The following CCSER2 variants were observed in gnomAD, a reference collection of about 807,000 sequenced individuals.
CCSER2 encodes coiled-coil serine rich protein 2.
In CCSER2, 46 loss-of-function variants were observed where a neutral mutation model predicts 92.3. That is an observed-to-expected ratio of 0.50 (90% confidence interval 0.39 to 0.64). CCSER2 has a LOEUF of 0.64. Among genes scored for constraint, CCSER2 ranks in the 30% least tolerant of loss-of-function variants. The pLI, the probability that CCSER2 is intolerant of heterozygous loss-of-function variation, is 0.00. For missense variants in CCSER2, 1,244 were observed against 1,238.9 expected (o/e 1.00, Z -0.06); for synonymous variants, 433 against 431.4 (o/e 1.00, Z -0.04).
In CCSER2 at chr10:84,371,516, G is replaced by A. The variant is rs1157716005; in HGVS notation, c.464G>A (p.Gly155Asp). The A allele has an allele frequency of 3.1e-6, 5 of 1,613,488 alleles. No individual in the cohort carries two copies. The African/African-American group carries it at 5.3e-5, about 17-fold the overall frequency. ...GPSNLGKFTKGTLLGRTSYSS... is the reference protein window; with the variant it reads ...GPSNLGKFTKDTLLGRTSYSS... ...TCTAATTTGGGTAAATTCACCAAAGGCACATTATTAGGAAGGACTTCATAT... is the reference window on the plus strand; with the variant it reads ...TCTAATTTGGGTAAATTCACCAAAGACACATTATTAGGAAGGACTTCATAT... The change falls in exon 2 of 10, where the codon GGC (glycine) becomes GAC (aspartate). Residue 155 changes from glycine to aspartate, a missense_variant. Gly to Asp is a moderately conservative substitution (Grantham distance 94, BLOSUM62 -1). Coordinates refer to ENST00000372088, the MANE Select transcript of CCSER2 (RefSeq NM_001284240.2).
At chr10:84,380,224 T>G (rs114492185) in intron 3 of CCSER2, among the ~76,000 whole-genome samples, 1 of 150,656 alleles carries the variant, frequency 6.6e-6, no homozygotes, top group African/African-American at 2.4e-5. Flanking sequence ...TAATTTACAT[T>G]TATACTATTA....
intron 1 of CCSER2, among the ~76,000 whole-genome samples, chr10:84,333,442 A>G (rs1843681040): frequency 6.6e-6 from 1 of 152,196 alleles, no homozygotes; most frequent in African/African-American, 2.4e-5. Flanking sequence ...GCCAAGGATA[A>G]CATAGGTAGT....
At chr10:84,446,761 C>T (rs1192388212) in intron 6 of CCSER2, among the ~76,000 whole-genome samples, 1 of 152,134 alleles carries the variant, frequency 6.6e-6, no homozygotes, top group East Asian at 1.9e-4. Context: ...TTTCCAGAAC[C>T]TAGAGTTTTC....
intron 1 of CCSER2, among the ~76,000 whole-genome samples, chr10:84,360,875 T>G (rs1266738450): frequency 6.6e-6 from 1 of 152,208 alleles, no homozygotes; most frequent in African/African-American, 2.4e-5. Flanking sequence ...ACACATATTA[T>G]CATAATTACT....
chr10:84,373,721 CTGA>C lies in CCSER2; in HGVS notation c.1523_1525del (p.Asp508del). 6.2e-7 allele frequency: 1 copy of C among 1,613,764 alleles called. No individual in the cohort carries two copies. Among genetic ancestry groups the C allele is most frequent in the Non-Finnish European group, 8.5e-7 (1 of 1,179,790 alleles). ...TTTGAACTCTCTCCATCTGATAGCT[CTGA>C]TGGAACATACATGTGGGATGAAGAA... On this transcript the variant is annotated inframe_deletion, in exon 3 of 10. Transcript: ENST00000372088.
intron 3 of CCSER2, chr10:84,391,383 C>G: frequency 6.9e-7 from 1 of 1,457,338 alleles, no homozygotes; most frequent in South Asian, 1.1e-5. Flanking sequence ...AACATCCTAA[C>G]ACTAATGCAT....
chr10:84,426,455 C>G (rs894285588), intron 5 of CCSER2, among the ~76,000 whole-genome samples: 1 of 152,196 alleles, frequency 6.6e-6, no homozygotes, highest in African/African-American at 2.4e-5. Flanking sequence ...CGCAGATTAG[C>G]TTTGCAAGCT....
chr10:84,330,189 C>A (rs1160209149), intron 1 of CCSER2, among the ~76,000 whole-genome samples: 1 of 152,184 alleles, frequency 6.6e-6, no homozygotes, highest in South Asian at 2.1e-4. Context: ...TAGTCTATAT[C>A]GATAAAATTC....
chr10:84,374,437 A>G (rs117281217), intron 3 of CCSER2, among the ~76,000 whole-genome samples: 3,132 of 152,288 alleles, frequency 0.021, 35 homozygotes, highest in Non-Finnish European at 0.03. Flanking sequence ...GGGCTTGACC[A>G]TCTTTTGAGG....
At chr10:84,375,265 C>T (rs986431568) in intron 3 of CCSER2, among the ~76,000 whole-genome samples, 1 of 152,106 alleles carries the variant, frequency 6.6e-6, no homozygotes, top group African/African-American at 2.4e-5. Flanking sequence ...TGAGTTTCCT[C>T]CTTGTTCAGT....
In CCSER2 at chr10:84,518,255, G is replaced by T. The variant is rs1169246148; in HGVS notation, c.*3988G>T. ...AACTGAAGATACATGTTTTAATCTT[G>T]TTGGGAATAAGCTTACCCACTTTCT... On this transcript the variant is annotated 3_prime_UTR_variant, in exon 10 of 10. Coordinates refer to ENST00000372088, the MANE Select transcript of CCSER2 (RefSeq NM_001284240.2). 1 of 152,526 alleles carries T rather than the reference G, an allele frequency of 6.6e-6. No homozygotes were observed. Among genetic ancestry groups the T allele is most frequent in the Non-Finnish European group, 1.5e-5 (1 of 68,018 alleles). The allele number at this position is 152,526 out of a possible 1,614,324, so 9.4% of individuals were successfully genotyped here. A position where few individuals can be genotyped will look rare whatever the true frequency, so the allele number is the denominator to read the frequency against.
intron 9 of CCSER2, among the ~76,000 whole-genome samples, chr10:84,489,416 G>A (rs1416694315): frequency 2.0e-5 from 3 of 152,230 alleles, no homozygotes; most frequent in African/African-American, 2.4e-5. Context: ...ATGAATCTGG[G>A]TGCTCCTGTA....
intron 3 of CCSER2, among the ~76,000 whole-genome samples, chr10:84,413,528 C>A (rs1465752606): frequency 6.6e-6 from 1 of 152,098 alleles, no homozygotes; most frequent in Non-Finnish European, 1.5e-5. Flanking sequence ...GATTTCAGTT[C>A]TTTTGCATTT....
chr10:84,499,735 A>G, intron 9 of CCSER2: 1 of 678,162 alleles, frequency 1.5e-6, no homozygotes, highest in Non-Finnish European at 2.4e-6. Context: ...AGCTGCCTGT[A>G]TTTTAAAAAA....
chr10:84,421,158 C>T (rs1213547870), intron 4 of CCSER2, among the ~76,000 whole-genome samples: 1 of 152,062 alleles, frequency 6.6e-6, no homozygotes, highest in African/African-American at 2.4e-5. Flanking sequence ...TGCATTTGTG[C>T]AGTTAATCTT....
chr10:84,398,645 G>T (rs943128304), intron 3 of CCSER2, among the ~76,000 whole-genome samples: 5 of 152,140 alleles, frequency 3.3e-5, no homozygotes, highest in Non-Finnish European at 7.4e-5. Context: ...AGGTAGGTTT[G>T]TTCCAGGGAA....
At chr10:84,429,806 A>G (rs1843663252) in intron 5 of CCSER2, among the ~76,000 whole-genome samples, 1 of 150,048 alleles carries the variant, frequency 6.7e-6, no homozygotes, top group African/African-American at 2.5e-5. Flanking sequence ...GCCCCTCCCC[A>G]CTTCGCTCTG....
chr10:84,463,745 C>T (rs940522466), intron 6 of CCSER2, among the ~76,000 whole-genome samples, 188 bp from the exon 7 acceptor site: 47 of 152,176 alleles, frequency 3.1e-4, no homozygotes, highest in African/African-American at 1.1e-3. Flanking sequence ...TTTTCTTCTT[C>T]CACATTTCCT....
At chr10:84,432,671 G>A (rs1843848882) in intron 5 of CCSER2, among the ~76,000 whole-genome samples, 1 of 151,880 alleles carries the variant, frequency 6.6e-6, no homozygotes, top group South Asian at 2.1e-4. Flanking sequence ...TTTTCCAGTC[G>A]GTGGCTTATT....
Sources: allele counts gnomAD v4.1 joint callset (sites outside exome capture counted in the v4.1 genomes callset), GRCh38; gene constraint gnomAD v4.1.1; transcripts MANE v1.5; gene names NCBI Gene and HGNC (gene_info 2026-07-23, HGNC 2026-07-21).